The following PRDM1 variants were observed in gnomAD, a reference collection of about 807,000 sequenced individuals.
PRDM1 encodes PR domain zinc finger protein 1.
A neutral mutation model predicts 62.8 loss-of-function variants in PRDM1; 13 were observed. That is an observed-to-expected ratio of 0.21 (90% CI 0.13 to 0.33). The LOEUF (loss-of-function observed/expected upper bound fraction) is 0.33, where lower values mean the gene tolerates loss of function less well. PRDM1 is among the 10% of genes least tolerant of loss of function. The probability of loss-of-function intolerance (pLI) is 1.00; values close to 1 mark genes in which losing one functional copy is unlikely to be tolerated. For synonymous variants in PRDM1, 396 were observed against 417.6 expected (o/e 0.95, Z 0.63); for missense variants, 895 against 1,058.8 (o/e 0.85, Z 2.15).
intron 1 of PRDM1, among the ~76,000 whole-genome samples, chr6:106,030,419 C>A (rs1772825318): frequency 6.6e-6 from 1 of 152,184 alleles, no homozygotes; most frequent in Admixed American, 6.5e-5. Flanking sequence ...GCAATCCTCC[C>A]ACCATGGCCT....
intron 1 of PRDM1, among the ~76,000 whole-genome samples, chr6:106,071,524 AC>A (rs1372240080): frequency 6.6e-6 from 1 of 152,090 alleles, no homozygotes; most frequent in Non-Finnish European, 1.5e-5. Context: ...GCATTGCTGT[AC>A]CCATCCATAC....
chr6:106,107,001 C>T lies in PRDM1; in HGVS notation c.1993C>T (p.Pro665Ser), dbSNP rs779758647. 2.5e-6 allele frequency: 4 copies of T among 1,614,170 alleles called. No homozygotes were observed. The highest frequency in any genetic ancestry group is 3.4e-6 in the Non-Finnish European group (4 of 1,180,040). ...GEKPYQCKVCPAKFTQFVHLK... is the reference protein window; with the variant it reads ...GEKPYQCKVCSAKFTQFVHLK... Reference sequence around the variant, plus strand: ...GAAACCATACCAATGCAAGGTGTGCCCTGCCAAGTTCACCCAGTTTGTGCA... The same window carrying T: ...GAAACCATACCAATGCAAGGTGTGCTCTGCCAAGTTCACCCAGTTTGTGCA... Residue 665 changes from proline (P) to serine (S), a missense_variant, in exon 7 of 7, where the codon CCT becomes TCT. Physicochemically the swap from Pro to Ser is moderately conservative, Grantham distance 74. Coordinates refer to ENST00000369096, the MANE Select transcript of PRDM1 (RefSeq NM_001198.4).
In PRDM1 at chr6:106,006,855, G is replaced by A. The variant is rs112096104; in HGVS notation, c.-67+13216G>A. Among the ~76,000 whole-genome samples the A allele has an allele frequency of 2.9e-3, 443 of 151,946 alleles. 5 individuals are homozygous for A. Among genetic ancestry groups the A allele is most frequent in the Non-Finnish European group, 4.9e-3 (330 of 67,904 alleles). On this transcript the variant is annotated intron_variant, in intron 1 of 6. Coordinates refer to the PRDM1 transcript ENST00000652320. ...AGTTATCTCATCACCCTGGGGCTGG[G>A]GGTATCACAGTAAGCTTAAAAATGT...
At chr6:106,050,019 G>A (rs1312592207) in intron 1 of PRDM1, among the ~76,000 whole-genome samples, 1 of 152,154 alleles carries the variant, frequency 6.6e-6, no homozygotes, top group Non-Finnish European at 1.5e-5. Flanking sequence ...GTGCAGAGTA[G>A]CATAGGAGAT....
chr6:106,022,789 C>G (rs1330407457), intron 1 of PRDM1, among the ~76,000 whole-genome samples: 1 of 152,270 alleles, frequency 6.6e-6, no homozygotes, highest in East Asian at 1.9e-4. Context: ...CTCCTGGCCC[C>G]AAGTAATCCT....
At chr6:106,054,928 C>T (rs4571598) in intron 1 of PRDM1, among the ~76,000 whole-genome samples, 135,519 of 152,260 alleles carry the variant, frequency 0.89, 60,376 homozygotes, top group South Asian at 0.94. Flanking sequence ...GAATTCATAG[C>T]GAGAATAGGA....
intron 1 of PRDM1, among the ~76,000 whole-genome samples, chr6:106,060,165 C>T (rs1334023950): frequency 6.6e-6 from 1 of 152,120 alleles, no homozygotes; most frequent in Non-Finnish European, 1.5e-5. Flanking sequence ...AACTCCAAGT[C>T]ATGCTATCTT....
intron 1 of PRDM1, among the ~76,000 whole-genome samples, chr6:106,057,682 T>G (rs1391633514): frequency 6.6e-6 from 1 of 152,228 alleles, no homozygotes; most frequent in African/African-American, 2.4e-5. Flanking sequence ...AGAGCCATTT[T>G]TAAATCATTT....
intron 1 of PRDM1, among the ~76,000 whole-genome samples, chr6:106,079,515 C>T (rs1773660152): frequency 6.6e-6 from 1 of 152,176 alleles, no homozygotes; most frequent in South Asian, 2.1e-4. Flanking sequence ...AAAATCAACA[C>T]AGCAGGGTGC....
At chr6:106,030,848 G>A (rs1327988492) in intron 1 of PRDM1, among the ~76,000 whole-genome samples, 2 of 152,030 alleles carry the variant, frequency 1.3e-5, no homozygotes, top group African/African-American at 2.4e-5. Flanking sequence ...AAATATGTGC[G>A]GGTCTATTTC....
In PRDM1 at chr6:106,106,183, C is replaced by T. The variant is rs1453291159; in HGVS notation, c.1774-188C>T. ...TTGGACTAGAAGATTAGGTGAAACT[C>T]CCTGCTAGCCTGTGATTTTTGTGCT... On this transcript the variant is annotated intron_variant, in intron 5 of 6. Coordinates refer to ENST00000369096, the MANE Select transcript of PRDM1 (RefSeq NM_001198.4). The surrounding 1 kb of genome is among the most constrained non-coding windows in gnomAD (Gnocchi z 4.4). Among the ~76,000 whole-genome samples, 2 of 152,210 alleles carry T rather than the reference C, an allele frequency of 1.3e-5. No homozygotes were observed. The highest frequency in any genetic ancestry group is 4.8e-5 in the African/African-American group (2 of 41,436).
chr6:106,094,470 A>G (rs1774040378), intron 2 of PRDM1, among the ~76,000 whole-genome samples: 1 of 152,186 alleles, frequency 6.6e-6, no homozygotes, highest in South Asian at 2.1e-4. Context: ...AGAGAAATTT[A>G]TTATTAAGGA....
intron 2 of PRDM1, among the ~76,000 whole-genome samples, chr6:106,091,971 G>A (rs1773974196): frequency 6.6e-6 from 1 of 152,030 alleles, no homozygotes; most frequent in South Asian, 2.1e-4. Flanking sequence ...CATTCTTATA[G>A]AGTGGGATTC....
chr6:106,079,539 T>C (rs1483453238), intron 1 of PRDM1, among the ~76,000 whole-genome samples: 2 of 152,354 alleles, frequency 1.3e-5, no homozygotes, highest in Admixed American at 1.3e-4. Flanking sequence ...GGCTCACACC[T>C]GTAATCCCAG....
At chr6:106,013,909 C>T (rs909879921) in intron 1 of PRDM1, among the ~76,000 whole-genome samples, 2 of 152,090 alleles carry the variant, frequency 1.3e-5, no homozygotes, top group Non-Finnish European at 2.9e-5. Context: ...CCTGCTGCTC[C>T]TAACAAAAGG....
chr6:106,015,738 A>C (rs1772611431), intron 1 of PRDM1, among the ~76,000 whole-genome samples: 1 of 151,654 alleles, frequency 6.6e-6, no homozygotes, highest in African/African-American at 2.4e-5. Context: ...ATCCCATCTT[A>C]TTTTGATCTT....
At chr6:106,067,434 T>TCAGA (rs1005308549) in intron 1 of PRDM1, among the ~76,000 whole-genome samples, 1 of 152,062 alleles carries the variant, frequency 6.6e-6, no homozygotes. Context: ...TGACAAGGAC[T>TCAGA]CAGATACTTA....
At chr6:106,030,333 G>A (rs940233366) in intron 1 of PRDM1, among the ~76,000 whole-genome samples, 2 of 151,690 alleles carry the variant, frequency 1.3e-5, no homozygotes, top group Non-Finnish European at 2.9e-5. Context: ...AGCTAATTAC[G>A]AAAGATTTTC....
At chr6:106,019,864 TC>T (rs1728959324) in intron 1 of PRDM1, among the ~76,000 whole-genome samples, 1 of 147,856 alleles carries the variant, frequency 6.8e-6, no homozygotes, top group Non-Finnish European at 1.5e-5. Flanking sequence ...GGTCTCAAAC[TC>T]CTGACCTCAG....
Sources: allele counts gnomAD v4.1 joint callset (sites outside exome capture counted in the v4.1 genomes callset), GRCh38; gene constraint gnomAD v4.1.1; non-coding constraint Gnocchi (gnomAD v3.1); transcripts MANE v1.5; gene names NCBI Gene and HGNC (gene_info 2026-07-23, HGNC 2026-07-21).